Variants in EPHA5 observed in about 807,000 individuals in gnomAD.
EPHA5 encodes ephrin type-A receptor 5.
Under a neutral mutation model 105.0 loss-of-function variants are expected in EPHA5, and 60 were observed. That is an observed-to-expected ratio of 0.57 (90% CI 0.46 to 0.71). The LOEUF (loss-of-function observed/expected upper bound fraction) is 0.71, where lower values mean the gene tolerates loss of function less well. Ranked by LOEUF, EPHA5 falls within the 30% of genes least tolerant of loss-of-function variation. The pLI is 0.00. For missense variants in EPHA5, 1,218 were observed against 1,274.7 expected (o/e 0.96, Z 0.68); for synonymous variants, 513 against 449.1 (o/e 1.14, Z -1.80).
chr4:65,543,749 A>G (rs1737081955), intron 3 of EPHA5, among the ~76,000 whole-genome samples: 1 of 152,090 alleles, frequency 6.6e-6, no homozygotes, highest in African/African-American at 2.4e-5. Context: ...GGAACAAAAA[A>G]GAGCCTACAT....
At chr4:65,510,022 T>C (rs1733444798) in intron 3 of EPHA5, among the ~76,000 whole-genome samples, 1 of 147,596 alleles carries the variant, frequency 6.8e-6, no homozygotes, top group Admixed American at 6.9e-5. Context: ...TTTCAGATGA[T>C]ACATACTTCT....
chr4:65,431,529 T>C (rs562145837), intron 5 of EPHA5, among the ~76,000 whole-genome samples: 1 of 152,206 alleles, frequency 6.6e-6, no homozygotes, highest in African/African-American at 2.4e-5. Flanking sequence ...CTCCATCTCA[T>C]GGACTTTTAA....
intron 3 of EPHA5, among the ~76,000 whole-genome samples, chr4:65,549,141 A>G (rs1737655022): frequency 1.3e-5 from 2 of 152,146 alleles, no homozygotes; most frequent in Non-Finnish European, 2.9e-5. Flanking sequence ...GGAAGAGAAA[A>G]CTGTCAGATT....
chr4:65,380,902 T>G, intron 8 of EPHA5, among the ~76,000 whole-genome samples: 1 of 151,704 alleles, frequency 6.6e-6, no homozygotes, highest in East Asian at 2.0e-4. Context: ...ACAAAATGGT[T>G]AGATCATGGG....
intron 5 of EPHA5, among the ~76,000 whole-genome samples, chr4:65,488,063 G>C (rs1731052677): frequency 6.6e-6 from 1 of 152,128 alleles, no homozygotes; most frequent in Non-Finnish European, 1.5e-5. Flanking sequence ...GCAACCAAAA[G>C]TCAACAAAAT....
chr4:65,351,507 A>G lies in EPHA5; in HGVS notation c.2327T>C (p.Val776Ala), dbSNP rs1722810980. Residue 776 changes from valine to alanine, a missense_variant, in exon 13 of 17, where the codon GTG becomes GCG. This residue lies in a region of EPHA5 where 971 missense variants were observed against 1,013.5 expected (regional missense o/e 0.96). Coordinates refer to ENST00000613740, the MANE Select transcript of EPHA5 (RefSeq NM_001281766.3). ...GTTTCTGGCAGCAAGATCTCTATGC[A>G]CATAGCCCATGTCAGAAAGGTACTT... ...GMKYLSDMGY[V>A]HRDLAARNIL... 6.2e-7 allele frequency: 1 copy of G among 1,613,678 alleles called. No homozygotes were observed. The highest frequency in any genetic ancestry group is 1.3e-5 in the African/African-American group (1 of 74,902).
At chr4:65,417,740 A>T (rs754696647) in intron 6 of EPHA5, among the ~76,000 whole-genome samples, 4 of 152,150 alleles carry the variant, frequency 2.6e-5, no homozygotes, top group Non-Finnish European at 5.9e-5. Context: ...AAATTAAACT[A>T]TAAAGAAAAT....
In EPHA5 at chr4:65,496,064, T is replaced by C. The variant is rs150576278; in HGVS notation, c.911-521A>G. 9.9e-4 allele frequency among the ~76,000 whole-genome samples: 151 copies of C among 152,290 alleles called. 2 individuals are homozygous for C. In the East Asian group the frequency reaches 0.023, roughly 23 times the overall value. On this transcript the variant is annotated intron_variant, in intron 3 of 16. Coordinates refer to ENST00000613740, the MANE Select transcript of EPHA5 (RefSeq NM_001281766.3). ...CATAGATGACCTGATATATCAACTG[T>C]ATTATTTTTATTTTAAGGGAGTCAC...
At chr4:65,529,513 A>C (rs566741840) in intron 3 of EPHA5, among the ~76,000 whole-genome samples, 2 of 152,152 alleles carry the variant, frequency 1.3e-5, no homozygotes, top group South Asian at 4.1e-4. Flanking sequence ...AAGAAAGAAA[A>C]AAACAACAAA....
intron 3 of EPHA5, among the ~76,000 whole-genome samples, chr4:65,570,603 A>T (rs1018973908): frequency 2.6e-5 from 4 of 151,926 alleles, no homozygotes; most frequent in African/African-American, 9.7e-5. Context: ...GGATAAAAAA[A>T]GGTCATGATT....
At chr4:65,632,594 G>T (rs573064127) in intron 2 of EPHA5, among the ~76,000 whole-genome samples, 85 of 147,548 alleles carry the variant, frequency 5.8e-4, no homozygotes, top group African/African-American at 1.8e-3. Flanking sequence ...TCTTCCTAAA[G>T]ATTTAAATAC....
At chr4:65,599,348 A>AACACACACACACACACAC (rs71657190) in intron 3 of EPHA5, among the ~76,000 whole-genome samples, 27 of 148,564 alleles carry the variant, frequency 1.8e-4, no homozygotes, top group Non-Finnish European at 3.0e-4. Flanking sequence ...GGCATTTTAT[A>AACACACACACACACACAC]ACACACACAC....
rs777543140 is a variant in EPHA5 at position 65,332,109 on chromosome 4, C to T, written c.2809G>A (p.Glu937Lys). The stretch of plus-strand genomic sequence containing the variant: ...GCCCCAGATCCTAGTGGGCTATGTT[C>T]TGCCAATAAATTAGATACTCTAAAA... The part of the protein sequence containing the change: ...ASCRVSNLLA[E>K]HSPLGSGAYR... Residue 937 changes from glutamate (E) to lysine (K), a missense_variant, in exon 16 of 17, where the codon GAA (glutamate) becomes AAA (lysine). Glu to Lys is a moderately conservative substitution (Grantham distance 56). Around this residue, in one of 3 missense-constraint regions of EPHA5, gnomAD observed 971 missense variants for 1,013.5 expected, o/e 0.96. Coordinates refer to ENST00000613740, the MANE Select transcript of EPHA5 (RefSeq NM_001281766.3). 3 of 1,602,110 alleles carry T rather than the reference C, an allele frequency of 1.9e-6. No individual in the cohort carries two copies. The highest frequency in any genetic ancestry group is 1.1e-5 in the South Asian group (1 of 89,294).
chr4:65,473,548 A>C (rs2149167505), intron 5 of EPHA5, among the ~76,000 whole-genome samples: 1 of 152,252 alleles, frequency 6.6e-6, no homozygotes, highest in African/African-American at 2.4e-5. Context: ...TGCAGGAAAA[A>C]CTGCCTGATA....
At chr4:65,625,739 T>A (rs937538393) in intron 2 of EPHA5, among the ~76,000 whole-genome samples, 18 of 152,158 alleles carry the variant, frequency 1.2e-4, no homozygotes, top group African/African-American at 4.3e-4. Flanking sequence ...ATAAAATAAA[T>A]TTTGGCATCA....
At chr4:65,596,045 C>T (rs939280446) in intron 3 of EPHA5, among the ~76,000 whole-genome samples, 10 of 152,192 alleles carry the variant, frequency 6.6e-5, no homozygotes, top group Admixed American at 2.0e-4. Context: ...CTGCCTCTTA[C>T]AAGCAGCGTA....
chr4:65,528,924 G>A (rs1735499767), intron 3 of EPHA5, among the ~76,000 whole-genome samples: 1 of 152,122 alleles, frequency 6.6e-6, no homozygotes, highest in Non-Finnish European at 1.5e-5. Context: ...AGGTGACCAT[G>A]CAATTACAAT....
At chr4:65,572,980 A>G (rs1740362077) in intron 3 of EPHA5, among the ~76,000 whole-genome samples, 1 of 152,044 alleles carries the variant, frequency 6.6e-6, no homozygotes, top group African/African-American at 2.4e-5. Context: ...GCAGTAAGCC[A>G]AGATCATGCC....
rs1354297116 is a variant in EPHA5 at position 65,352,913 on chromosome 4, C to A, written c.2235+129G>T. The A allele has an allele frequency of 1.6e-5, 7 of 427,396 alleles. No homozygotes were observed. In the East Asian group the frequency reaches 1.9e-4, roughly 12 times the overall value. 26.5% of individuals were successfully genotyped at this position (427,396 alleles called of 1,614,324 possible). On this transcript the variant is annotated intron_variant, in intron 12 of 16. Coordinates refer to ENST00000613740, the MANE Select transcript of EPHA5 (RefSeq NM_001281766.3). Reference sequence around the variant, plus strand: ...GTAATTATTGTGGCTCCATAAATTTCTGTTCTATTAAAAACTTAAGCTTTA... The same window carrying A: ...GTAATTATTGTGGCTCCATAAATTTATGTTCTATTAAAAACTTAAGCTTTA...
Sources: gnomAD v4.1 joint callset for allele counts (sites outside exome capture counted in the v4.1 genomes callset) on GRCh38, gnomAD v4.1.1 for gene constraint, gnomAD v4.1.1 regional missense constraint, MANE v1.5 for transcripts, NCBI Gene and HGNC (gene_info 2026-07-23, HGNC 2026-07-21) for gene names.